Variants in DHRSX observed in about 807,000 individuals in gnomAD.
DHRSX encodes the protein polyprenol dehydrogenase.
A neutral mutation model predicts 34.0 loss-of-function variants in DHRSX; 31 were observed. The ratio of observed to expected loss-of-function variants is 0.91; its 90% CI spans 0.69 to 1.23. The LOEUF (loss-of-function observed/expected upper bound fraction) is 1.23. DHRSX is among the 50% of genes most tolerant of loss of function. The probability of loss-of-function intolerance (pLI) is 0.00; values close to 1 mark genes in which losing one functional copy is unlikely to be tolerated. For synonymous variants in DHRSX, 201 were observed against 183.8 expected (o/e 1.09, Z -0.76); for missense variants, 414 against 428.1 (o/e 0.97, Z 0.29).
intron 5 of DHRSX, among the ~76,000 whole-genome samples, chrX:2,248,172 G>A (rs753181961): frequency 2.6e-5 from 4 of 152,128 alleles, no homozygotes; most frequent in South Asian, 2.1e-4. Flanking sequence ...GGTGGCTCAC[G>A]TCTGTAATCC....
intron 3 of DHRSX, among the ~76,000 whole-genome samples, chrX:2,297,153 C>T (rs751385267): frequency 2.0e-5 from 3 of 152,324 alleles, no homozygotes; most frequent in Admixed American, 6.5e-5. Context: ...GACAGGGTCT[C>T]GTTCTGTCAC....
chrX:2,333,788 C>T (rs2042514227), intron 3 of DHRSX, among the ~76,000 whole-genome samples: 1 of 152,134 alleles, frequency 6.6e-6, no homozygotes, highest in South Asian at 2.1e-4. Flanking sequence ...TTGTTCCTTT[C>T]TTTGAGGCCA....
chrX:2,330,661 G>GAGA (rs202100782), intron 3 of DHRSX, among the ~76,000 whole-genome samples: 4 of 135,666 alleles, frequency 2.9e-5, no homozygotes, highest in Admixed American at 2.2e-4. Flanking sequence ...GAAGATGAAG[G>GAGA]AGAAGAAGGA....
At chrX:2,457,892 G>A (rs186855348) in intron 1 of DHRSX, among the ~76,000 whole-genome samples, 2,025 of 149,380 alleles carry the variant, frequency 0.014, 46 homozygotes, top group African/African-American at 0.045. Context: ...GCCAAGAGAC[G>A]GCAGGGAATA....
chrX:2,367,238 G>C (rs1271240245), intron 3 of DHRSX, among the ~76,000 whole-genome samples: 2 of 151,980 alleles, frequency 1.3e-5, no homozygotes, highest in Non-Finnish European at 2.9e-5. Context: ...AGGAGTTCAA[G>C]ACCAGCCTGA....
Position 2,225,572 on chromosome X carries a change from T to C in DHRSX, c.805-4343A>G, listed in dbSNP as rs190644091. ...GGAGGAACCAGCCCTGCCCACACCT[T>C]GATCTTAGACCTCCAGCCTCCAGGA... On this transcript the variant is annotated intron_variant, in intron 6 of 6. Coordinates refer to ENST00000334651, the MANE Select transcript of DHRSX (RefSeq NM_145177.3). Among the ~76,000 whole-genome samples the C allele has an allele frequency of 7.2e-5, 11 of 152,234 alleles. No individual in the cohort carries two copies. In the East Asian group the frequency reaches 2.1e-3, roughly 29 times the overall value.
At chrX:2,230,987 C>T (rs1227879155) in intron 6 of DHRSX, among the ~76,000 whole-genome samples, 3 of 152,088 alleles carry the variant, frequency 2.0e-5, no homozygotes, top group Non-Finnish European at 4.4e-5. Flanking sequence ...GAAGAAATGC[C>T]GGGCTCCAGG....
chrX:2,248,148 A>C (rs2016341654), intron 5 of DHRSX, among the ~76,000 whole-genome samples: 1 of 151,876 alleles, frequency 6.6e-6, no homozygotes, highest in African/African-American at 2.4e-5. Context: ...AAATACAAAC[A>C]TTAGGCCGGG....
At chrX:2,225,567 C>T (rs185983997) in intron 6 of DHRSX, among the ~76,000 whole-genome samples, 1 of 152,188 alleles carries the variant, frequency 6.6e-6, no homozygotes. Flanking sequence ...GCCCTGCCCA[C>T]ACCTTGATCT....
At position 2,282,801 on chromosome X, in the gene DHRSX, G is replaced by GAGA. The variant is rs1569483511; in HGVS notation, c.388+8698_388+8700dup. Among the ~76,000 whole-genome samples the GAGA allele has an allele frequency of 1.1e-3, 107 of 97,236 alleles. 1 individual carries two copies. The highest frequency in any genetic ancestry group is 4.0e-3 in the African/African-American group (99 of 24,792). The allele number at this position is 97,236 out of a possible 152,430, so 63.8% of individuals were successfully genotyped here. A position where few individuals can be genotyped will look rare whatever the true frequency, so the allele number is the denominator to read the frequency against. On this transcript the variant is annotated intron_variant, in intron 4 of 6. Transcript: ENST00000334651. ...GGGAGGGGGAGAGAGAGAAGAAAGAGAGAAGAGAGAAAGAGAGAGAGGGAG... is the reference window on the plus strand; with the variant it reads ...GGGAGGGGGAGAGAGAGAAGAAAGAGAGAAGAAGAGAGAAAGAGAGAGAGGGAG...
At chrX:2,301,035 C>T (rs762238950) in intron 3 of DHRSX, among the ~76,000 whole-genome samples, 33 of 152,258 alleles carry the variant, frequency 2.2e-4, no homozygotes, top group African/African-American at 3.9e-4. Flanking sequence ...ATAATATCCA[C>T]GGAAACAGAA....
chrX:2,425,267 C>A lies in DHRSX; in HGVS notation c.147G>T (p.Thr49=). ...AATAGCCAATGCCATCTGTCCCTCC[C>A]GTCACTATAGCGACACGGTCAGGTC... ...PPRPDRVAIV[T]GGTDGIGYST... Residue 49 remains threonine, a synonymous_variant, in exon 2 of 7, where the codon ACG becomes ACT. Transcript: ENST00000334651. 6.2e-7 allele frequency: 1 copy of A among 1,613,908 alleles called. No individual in the cohort carries two copies. Among genetic ancestry groups the A allele is most frequent in the African/African-American group, 1.3e-5 (1 of 75,030 alleles).
intron 1 of DHRSX, chrX:2,488,347 G>T: frequency 2.8e-5 from 11 of 386,346 alleles, no homozygotes; most frequent in Non-Finnish European, 3.6e-5. Flanking sequence ...GCTAATTTTT[G>T]TATTTTTAGT....
chrX:2,241,904 C>T (rs867908637), intron 6 of DHRSX, among the ~76,000 whole-genome samples: 9 of 151,924 alleles, frequency 5.9e-5, no homozygotes, highest in Admixed American at 2.6e-4. Flanking sequence ...AACGAAACTC[C>T]GTCTCAAAAA....
At chrX:2,343,316 C>T (rs1243182552) in intron 3 of DHRSX, among the ~76,000 whole-genome samples, 2 of 152,194 alleles carry the variant, frequency 1.3e-5, no homozygotes, top group Admixed American at 6.5e-5. Context: ...TGTCAAGTGA[C>T]ATTTCATGCT....
chrX:2,458,680 G>A (rs1367675707), intron 1 of DHRSX, among the ~76,000 whole-genome samples: 2 of 146,462 alleles, frequency 1.4e-5, no homozygotes, highest in Admixed American at 1.4e-4. Context: ...AATGCTTCAT[G>A]AAGTGTTTGG....
chrX:2,424,017 GC>G (rs1569499613), intron 2 of DHRSX, among the ~76,000 whole-genome samples: 1 of 152,192 alleles, frequency 6.6e-6, no homozygotes, highest in East Asian at 1.9e-4. Flanking sequence ...AAAGCCCAGG[GC>G]CTCAGAATGT....
intron 1 of DHRSX, among the ~76,000 whole-genome samples, chrX:2,493,279 C>T (rs142853109): frequency 2.8e-4 from 43 of 152,230 alleles, no homozygotes; most frequent in African/African-American, 9.6e-4. Context: ...CTCCTAAGTC[C>T]GACCTGAGTG....
chrX:2,386,887 T>A, intron 3 of DHRSX, among the ~76,000 whole-genome samples: 1 of 151,762 alleles, frequency 6.6e-6, no homozygotes, highest in East Asian at 1.9e-4. Flanking sequence ...GTTTTGTTTT[T>A]TTTTTTTTTT....
Sources: allele counts gnomAD v4.1 joint callset (sites outside exome capture counted in the v4.1 genomes callset), GRCh38; gene constraint gnomAD v4.1.1; transcripts MANE v1.5; gene names NCBI Gene and HGNC (gene_info 2026-07-23, HGNC 2026-07-21).